MYLK3: variants seen among roughly 807,000 people sequenced by gnomAD.
The protein encoded by MYLK3 is myosin light chain kinase 3.
In MYLK3, 55 loss-of-function variants were observed where a neutral mutation model predicts 76.3. The observed-to-expected ratio is 0.72, with a 90% CI of 0.58 to 0.90. The LOEUF (loss-of-function observed/expected upper bound fraction) is 0.90, where lower values mean the gene tolerates loss of function less well. Ranked by LOEUF, MYLK3 falls within the 40% of genes least tolerant of loss-of-function variation. The pLI is 0.00. For synonymous variants in MYLK3, 416 were observed against 425.4 expected (o/e 0.98, Z 0.27); for missense variants, 973 against 1,053.6 (o/e 0.92, Z 1.06).
chr16:46,763,045 T>C, exon 1 of MYLK3: 1 of 985,490 alleles, frequency 1.0e-6, no homozygotes. Flanking sequence ...CATACCACTT[T>C]CCATCCATGG....
At chr16:46,715,953 A>T (rs1296607271) in intron 9 of MYLK3, among the ~76,000 whole-genome samples, 1 of 152,234 alleles carries the variant, frequency 6.6e-6, no homozygotes, top group Non-Finnish European at 1.5e-5. Flanking sequence ...CCCAAGAAGC[A>T]GGCCAGTTTG....
Position 46,721,125 on chromosome 16 carries a change from T to G in MYLK3, c.1983A>C (p.Arg661Ser). ...QIKIIDFGLA[R>S]RYKPREKLKV... Reference sequence around the variant, plus strand: ...GTATCTAAATAAAACCCCCTTACCTTCTGGCCAGCCCAAAGTCAATGATCT... The same window carrying G: ...GTATCTAAATAAAACCCCCTTACCTGCTGGCCAGCCCAAAGTCAATGATCT... Residue 661 changes from arginine (R) to serine (S), a missense_variant and splice_region_variant, in exon 9 of 13, where the codon AGA (arginine) becomes AGC (serine). Physicochemically the swap from Arg to Ser is moderately radical, Grantham distance 110 (BLOSUM62 -1). Transcript: ENST00000394809. 1 of 1,614,000 alleles carries G rather than the reference T, an allele frequency of 6.2e-7. No individual in the cohort carries two copies. The highest frequency in any genetic ancestry group is 8.5e-7 in the Non-Finnish European group (1 of 1,179,872).
chr16:46,740,536 C>CATAT (rs370327693), intron 1 of MYLK3, among the ~76,000 whole-genome samples: 1,270 of 93,578 alleles, frequency 0.014, 59 homozygotes, highest in East Asian at 0.032. Context: ...TATATACATA[C>CATAT]ATATATATAT....
rs145986736 is a variant in MYLK3, at chr16:46,721,148, T to A, written c.1960A>T (p.Ile654Phe). The A allele has an allele frequency of 6.2e-7, 1 of 1,614,148 alleles. No homozygotes were observed. Among genetic ancestry groups the A allele is most frequent in the South Asian group, 1.1e-5 (1 of 91,080 alleles). The change falls in exon 9 of 13, where the codon ATC becomes TTC. Residue 654 changes from isoleucine to phenylalanine, a missense_variant. Physicochemically the swap from Ile to Phe is conservative, Grantham distance 21. This residue lies in a region of MYLK3 where 332 missense variants were observed against 416.6 expected (regional missense o/e 0.80). Transcript: ENST00000394809. ...CTTCTGGCCAGCCCAAAGTCAATGA[T>A]CTTAATTTGATGTCCTGTCTGATTG... ...CVNQTGHQIK[I>F]IDFGLARRYK...
At chr16:46,750,383 A>T (rs1967107139), upstream of MYLK3, among the ~76,000 whole-genome samples, 1 of 150,450 alleles carries the variant, frequency 6.6e-6, no homozygotes, top group African/African-American at 2.5e-5. Flanking sequence ...ACCAGCAACC[A>T]GGCAAGTCCT....
At chr16:46,753,822 A>G (rs1967162226) in intron 1 of MYLK3, among the ~76,000 whole-genome samples, 1 of 152,208 alleles carries the variant, frequency 6.6e-6, no homozygotes, top group South Asian at 2.1e-4. Flanking sequence ...CTGAGGTGGC[A>G]GGATTGTTTA....
chr16:46,736,306 C>T (rs540781153), intron 3 of MYLK3, among the ~76,000 whole-genome samples: 20 of 152,306 alleles, frequency 1.3e-4, no homozygotes, highest in Non-Finnish European at 2.5e-4. Context: ...GCCACAGTGC[C>T]CGGCAGGATC....
intron 1 of MYLK3, among the ~76,000 whole-genome samples, chr16:46,745,674 A>G (rs1967009407): frequency 6.6e-6 from 1 of 152,166 alleles, no homozygotes; most frequent in Admixed American, 6.5e-5. Context: ...TGAACCCAGG[A>G]GGTGGAGATT....
chr16:46,731,478 G>A (rs887710398), intron 4 of MYLK3, among the ~76,000 whole-genome samples: 2 of 152,214 alleles, frequency 1.3e-5, no homozygotes, highest in African/African-American at 4.8e-5. Context: ...TGCACCAAGG[G>A]CTGGAAGGAA....
chr16:46,732,742 G>T, intron 3 of MYLK3, 74 bp from the exon 4 acceptor site: 1 of 1,163,274 alleles, frequency 8.6e-7, no homozygotes, highest in Non-Finnish European at 1.2e-6. Context: ...GGGTTCCAAT[G>T]CCCACTGCTG....
chr16:46,757,945 C>T (rs113292069), intron 1 of MYLK3, among the ~76,000 whole-genome samples: 5 of 152,214 alleles, frequency 3.3e-5, no homozygotes, highest in South Asian at 2.1e-4. Context: ...GAGGAGAGGC[C>T]GGGTCTGCAG....
upstream of MYLK3, among the ~76,000 whole-genome samples, chr16:46,750,336 A>G (rs1408300548): frequency 6.6e-6 from 1 of 152,194 alleles, no homozygotes; most frequent in Non-Finnish European, 1.5e-5. Flanking sequence ...TGGAGGAGAG[A>G]CTTTATTATT....
At position 46,721,208 on chromosome 16, in the gene MYLK3, A is replaced by G. The variant is rs747068171; in HGVS notation, c.1915-15T>C. 2 of 1,613,922 alleles carry G rather than the reference A, an allele frequency of 1.2e-6. No individual in the cohort carries two copies. The highest frequency in any genetic ancestry group is 8.5e-7 in the Non-Finnish European group (1 of 1,179,736). On this transcript the variant is annotated splice_polypyrimidine_tract_variant and intron_variant, in intron 8 of 12. Coordinates refer to ENST00000394809, the MANE Select transcript of MYLK3 (RefSeq NM_182493.3). ...ATGTTCTCCGGCTGGGAAAGAAAGA[A>G]GTCTGCTTAGCCCAAGCAATAGCTG... is the stretch of plus-strand genomic sequence containing the variant.
At chr16:46,758,730 C>T (rs1339925760) in intron 1 of MYLK3, among the ~76,000 whole-genome samples, 1 of 152,134 alleles carries the variant, frequency 6.6e-6, no homozygotes, top group African/African-American at 2.4e-5. Flanking sequence ...TCACACAGCA[C>T]GTAAGTAGCA....
intron 1 of MYLK3, among the ~76,000 whole-genome samples, chr16:46,743,984 C>T (rs1966975957): frequency 6.6e-6 from 1 of 152,134 alleles, no homozygotes; most frequent in Non-Finnish European, 1.5e-5. Flanking sequence ...CTTTAAGAGA[C>T]ATATAAATAA....
In MYLK3 at chr16:46,748,208, G is replaced by C. The variant is rs1230696642; in HGVS notation, c.-15C>G. 2 of 1,606,440 alleles carry C rather than the reference G, an allele frequency of 1.2e-6. No individual in the cohort carries two copies. The highest frequency in any genetic ancestry group is 1.7e-6 in the Non-Finnish European group (2 of 1,175,788). On this transcript the variant is annotated 5_prime_UTR_variant, in exon 1 of 13. Transcript: ENST00000394809. This position sits in a 1 kb window ranked among gnomAD's most constrained non-coding sequence, Gnocchi z 4.3. ...GTTCCTGACATGCTGGTGCAGGCTT[G>C]ACAAGGGCAAGAGCGGGGAATGAGG...
In MYLK3 at chr16:46,748,289, C is replaced by T. The variant is rs1210047939; in HGVS notation, c.-96G>A. Reference sequence around the variant, plus strand: ...CGGTGGTGTCTGCAAGGTCATTGTCCTCCGTAGCTGACAGACTCCTGGCAG... The same window carrying T: ...CGGTGGTGTCTGCAAGGTCATTGTCTTCCGTAGCTGACAGACTCCTGGCAG... On this transcript the variant is annotated 5_prime_UTR_variant, in exon 1 of 13. Coordinates refer to ENST00000394809, the MANE Select transcript of MYLK3 (RefSeq NM_182493.3). The surrounding 1 kb of genome is among the most constrained non-coding windows in gnomAD (Gnocchi z 4.3). 1.4e-6 allele frequency: 2 copies of T among 1,470,456 alleles called. No homozygotes were observed. Among genetic ancestry groups the T allele is most frequent in the Non-Finnish European group, 1.8e-6 (2 of 1,114,268 alleles). 91.1% of individuals were successfully genotyped at this position (1,470,456 alleles called of 1,614,324 possible). A position where few individuals can be genotyped will look rare whatever the true frequency, so the allele number is the denominator to read the frequency against.
chr16:46,714,339 CT>C (rs1377002870), intron 9 of MYLK3, among the ~76,000 whole-genome samples: 1 of 152,190 alleles, frequency 6.6e-6, no homozygotes, highest in Non-Finnish European at 1.5e-5. Flanking sequence ...ATATGCCCTG[CT>C]TCCTTTAAAT....
At chr16:46,744,118 C>A (rs566125632) in intron 1 of MYLK3, among the ~76,000 whole-genome samples, 6 of 151,916 alleles carry the variant, frequency 3.9e-5, no homozygotes, top group African/African-American at 1.5e-4. Context: ...CTGCAACCTC[C>A]GCCTCCCGGG....
Sources: allele counts gnomAD v4.1 joint callset (sites outside exome capture counted in the v4.1 genomes callset), GRCh38; gene constraint gnomAD v4.1.1; regional missense constraint gnomAD v4.1.1; non-coding constraint Gnocchi (gnomAD v3.1); transcripts MANE v1.5; gene names NCBI Gene and HGNC (gene_info 2026-07-23, HGNC 2026-07-21).